TTC23: variants seen among roughly 807,000 people sequenced by gnomAD.
The protein encoded by TTC23 is tetratricopeptide repeat domain 23, also known as tetratricopeptide repeat protein 23.
A neutral mutation model predicts 55.1 loss-of-function variants in TTC23; 58 were observed. The ratio of observed to expected loss-of-function variants is 1.05; its 90% CI spans 0.85 to 1.31. The LOEUF (loss-of-function observed/expected upper bound fraction) is 1.31, where lower values mean the gene tolerates loss of function less well. Among genes scored for constraint, TTC23 ranks in the 50% most tolerant of loss-of-function variants. TTC23 has a pLI of 0.00. For missense variants in TTC23, 516 were observed against 534.4 expected, an observed-to-expected ratio of 0.97 and a Z score of 0.34; for synonymous variants, 203 against 199.9, an observed-to-expected ratio of 1.02 and a Z score of -0.13.
chr15:99,216,052 T>G (rs1031985432), intron 8 of TTC23, among the ~76,000 whole-genome samples: 1 of 152,150 alleles, frequency 6.6e-6, no homozygotes, highest in Non-Finnish European at 1.5e-5. Flanking sequence ...TAAGAAGATA[T>G]GAGGCTGCTA....
intron 8 of TTC23, among the ~76,000 whole-genome samples, chr15:99,203,459 T>C (rs1270090978): frequency 6.6e-6 from 1 of 152,112 alleles, no homozygotes; most frequent in Non-Finnish European, 1.5e-5. Context: ...CATTTATCAT[T>C]TCTTTGTGTT....
At chr15:99,212,323 T>C (rs1043845850) in intron 8 of TTC23, among the ~76,000 whole-genome samples, 4 of 152,088 alleles carry the variant, frequency 2.6e-5, no homozygotes, top group African/African-American at 9.7e-5. Flanking sequence ...TGCCTGTATA[T>C]ACAAAGACAA....
intron 3 of TTC23, among the ~76,000 whole-genome samples, chr15:99,236,545 A>G (rs1423829604): frequency 1.3e-5 from 2 of 151,296 alleles, no homozygotes; most frequent in African/African-American, 4.9e-5. Flanking sequence ...AGCTCACTGC[A>G]GCCTACAACT....
At chr15:99,146,134 A>C (rs1433468455) in intron 12 of TTC23, among the ~76,000 whole-genome samples, 2 of 152,214 alleles carry the variant, frequency 1.3e-5, no homozygotes, top group Non-Finnish European at 2.9e-5. Context: ...CTTCTCCACA[A>C]CGACTGCAAT....
At chr15:99,203,433 T>C (rs1596630408) in intron 8 of TTC23, among the ~76,000 whole-genome samples, 2 of 152,250 alleles carry the variant, frequency 1.3e-5, no homozygotes, top group East Asian at 3.9e-4. Flanking sequence ...GGTTATAGCA[T>C]ACCCATCACC....
intron 11 of TTC23, chr15:99,160,393 A>G (rs2071200295): frequency 6.6e-6 from 1 of 152,226 alleles, no homozygotes; most frequent in African/African-American, 2.4e-5. Flanking sequence ...GGAAAAAACA[A>G]TAAAAATAAC....
At chr15:99,190,258 T>G (rs75908821) in intron 9 of TTC23, among the ~76,000 whole-genome samples, 1 of 86,242 alleles carries the variant, frequency 1.2e-5, no homozygotes, top group Non-Finnish European at 2.3e-5. Context: ...AATATCCTTG[T>G]TTTTTTTTTT....
At chr15:99,150,663 T>TA (rs549860929) in intron 12 of TTC23, among the ~76,000 whole-genome samples, 135 of 152,366 alleles carry the variant, frequency 8.9e-4, no homozygotes, top group African/African-American at 3.0e-3. Flanking sequence ...AGTTCAAAGT[T>TA]AGTGTTCCCT....
At chr15:99,242,910 T>C (rs749540658) in intron 2 of TTC23, among the ~76,000 whole-genome samples, 12 of 152,062 alleles carry the variant, frequency 7.9e-5, no homozygotes, top group Non-Finnish European at 1.5e-4. Flanking sequence ...GAGAAAACAC[T>C]GGGGAAACTC....
At chr15:99,204,565 C>T (rs776262700) in intron 8 of TTC23, among the ~76,000 whole-genome samples, 3 of 148,564 alleles carry the variant, frequency 2.0e-5, no homozygotes, top group Non-Finnish European at 4.4e-5. Context: ...TTGCCCAGAC[C>T]GATTTCCTGG....
At chr15:99,194,728 G>A (rs1254895281) in intron 9 of TTC23, among the ~76,000 whole-genome samples, 2 of 152,146 alleles carry the variant, frequency 1.3e-5, no homozygotes, top group East Asian at 3.9e-4. Flanking sequence ...CTGAGGTCGG[G>A]AGGTCAAGAC....
rs188842244 is a variant in TTC23 at position 99,208,045 on chromosome 15, G to A, written c.582-7949C>T. Reference sequence around the variant, plus strand: ...GTAGTGTTTACAGTAGTAAAAAATTGGAAACAATTCACATGTTCACCCTCA... The same window carrying A: ...GTAGTGTTTACAGTAGTAAAAAATTAGAAACAATTCACATGTTCACCCTCA... On this transcript the variant is annotated intron_variant, in intron 8 of 13. Transcript: ENST00000394132. Among the ~76,000 whole-genome samples, 19 of 152,050 alleles carry A rather than the reference G, an allele frequency of 1.2e-4. No homozygotes were observed. In the East Asian group the frequency reaches 2.9e-3, roughly 23 times the overall value.
chr15:99,176,106 T>G (rs2073517089), intron 9 of TTC23, among the ~76,000 whole-genome samples: 4 of 152,210 alleles, frequency 2.6e-5, no homozygotes, highest in Admixed American at 2.6e-4. Context: ...AAGTAACTAC[T>G]CAACTCCCTG....
intron 12 of TTC23, among the ~76,000 whole-genome samples, chr15:99,151,589 G>C (rs782034154): frequency 3.3e-5 from 5 of 152,240 alleles, no homozygotes; most frequent in Non-Finnish European, 7.3e-5. Flanking sequence ...ATCACTGGCT[G>C]TTGGCCCTTA....
chr15:99,213,628 A>C (rs563621221), intron 8 of TTC23, among the ~76,000 whole-genome samples: 5 of 152,340 alleles, frequency 3.3e-5, no homozygotes, highest in Non-Finnish European at 2.9e-5. Flanking sequence ...CCAGTCACTA[A>C]CAACCTTCTT....
chr15:99,166,124 T>C (rs867558403), intron 10 of TTC23, among the ~76,000 whole-genome samples: 8 of 152,206 alleles, frequency 5.3e-5, no homozygotes, highest in African/African-American at 1.9e-4. Flanking sequence ...GAAGCAGCAC[T>C]GCCATGCTCA....
At chr15:99,182,223 ATC>A (rs147417590) in intron 9 of TTC23, among the ~76,000 whole-genome samples, 7,444 of 131,960 alleles carry the variant, frequency 0.056, 263 homozygotes, top group South Asian at 0.084. Context: ...TGTTCCAGAA[ATC>A]TCTCTCTCTC....
rs1033146208 is a variant in TTC23, at chr15:99,249,428, C to G, written c.-688G>C. On this transcript the variant is annotated 5_prime_UTR_variant, in exon 1 of 14. Transcript: ENST00000394132. The stretch of plus-strand genomic sequence containing the variant: ...CTGGAGAGGCTCACCGTTTCTTTTT[C>G]GAGCGAATTACACAGTTGTCTTGGC... 6.6e-6 allele frequency: 1 copy of G among 152,200 alleles called. No homozygotes were observed. The highest frequency in any genetic ancestry group is 1.5e-5 in the Non-Finnish European group (1 of 68,042). The allele number at this position is 152,200 out of a possible 1,614,324, so 9.4% of individuals were successfully genotyped here.
intron 9 of TTC23, among the ~76,000 whole-genome samples, chr15:99,195,581 G>A (rs892038847): frequency 6.6e-6 from 1 of 152,188 alleles, no homozygotes; most frequent in East Asian, 1.9e-4. Flanking sequence ...GGGGGAAGGA[G>A]AGATGAATAG....
Sources: gnomAD v4.1 joint callset for allele counts (sites outside exome capture counted in the v4.1 genomes callset) on GRCh38, gnomAD v4.1.1 for gene constraint, MANE v1.5 for transcripts, NCBI Gene and HGNC (gene_info 2026-07-23, HGNC 2026-07-21) for gene names.